The following PFKM variants were observed in gnomAD, a reference collection of about 807,000 sequenced individuals.
The protein encoded by PFKM is ATP-dependent 6-phosphofructokinase, muscle type.
Under a neutral mutation model 95.5 loss-of-function variants are expected in PFKM, and 58 were observed. That is an observed-to-expected ratio of 0.61 (90% CI 0.49 to 0.76). The LOEUF is 0.76. PFKM is among the 30% of genes least tolerant of loss of function. The probability of loss-of-function intolerance (pLI) is 0.00; values close to 1 mark genes in which losing one functional copy is unlikely to be tolerated. For synonymous variants in PFKM, 336 were observed against 357.2 expected, an observed-to-expected ratio of 0.94 and a Z score of 0.67; for missense variants, 678 against 1,005.4, an observed-to-expected ratio of 0.67 and a Z score of 4.40.
At chr12:48,140,983 C>T (rs1375811175) in intron 14 of PFKM, 112 bp downstream of exon 14, 2 of 1,155,376 alleles carry the variant, frequency 1.7e-6, no homozygotes, top group Non-Finnish European at 2.6e-6. Flanking sequence ...TCTCTCCTCT[C>T]TCAGGGTCCA....
intron 4 of PFKM, 197 bp from the exon 5 acceptor site, chr12:48,132,671 A>G: frequency 1.6e-6 from 1 of 617,586 alleles, no homozygotes. Context: ...ATGTGTAGCA[A>G]AATATGGGAA....
At position 48,131,865 on chromosome 12, in the gene PFKM, G is replaced by A. The variant is rs1295592999; in HGVS notation, c.237+472G>A. 1.6e-5 allele frequency: 6 copies of A among 368,392 alleles called. No individual in the cohort carries two copies. In the Admixed American group the frequency reaches 2.2e-4, roughly 13 times the overall value. 22.8% of individuals were successfully genotyped at this position (368,392 alleles called of 1,614,324 possible). On this transcript the variant is annotated intron_variant, in intron 4 of 22. Coordinates refer to ENST00000359794, the MANE Select transcript of PFKM (RefSeq NM_000289.6). ...CAAAAAAATCCTAAGAGTATCCTGA[G>A]GATTTCCACAGTCCTTTATGCTACT...
rs775558930 is a variant in PFKM, at chr12:48,135,049, A to G, written c.843+11A>G. The G allele has an allele frequency of 6.3e-7, 1 of 1,594,240 alleles. No homozygotes were observed. The highest frequency in any genetic ancestry group is 1.1e-5 in the South Asian group (1 of 90,630). On this transcript the variant is annotated intron_variant, in intron 9 of 22. Transcript: ENST00000359794. ...GAAGACATCAAGAATGTTCGTATGA[A>G]TGAAGCCAGAGAGGCCTTAGAATCC... is the stretch of plus-strand genomic sequence containing the variant.
At chr12:48,108,203 T>A (rs1415651047) in intron 3 of PFKM, 1 of 1,596,896 alleles carries the variant, frequency 6.3e-7, no homozygotes, top group Admixed American at 1.7e-5. Flanking sequence ...TGGTGAGGCA[T>A]GTGGGTCAAC....
chr12:48,135,429 C>T lies in PFKM; in HGVS notation c.936+46C>T, dbSNP rs184861460. On this transcript the variant is annotated intron_variant, in intron 10 of 22. Coordinates refer to ENST00000359794, the MANE Select transcript of PFKM (RefSeq NM_000289.6). ...GCCCTCATGCCTTGAAACCCTCAAC[C>T]TTGTAGTCCTGCCCCCTCAGGGCTG... is the stretch of plus-strand genomic sequence containing the variant. 434 of 1,360,186 alleles carry T rather than the reference C, an allele frequency of 3.2e-4. 1 individual carries two copies. In the African/African-American group the frequency reaches 5.4e-3, roughly 17 times the overall value. The allele number at this position is 1,360,186 out of a possible 1,614,324, so 84.3% of individuals were successfully genotyped here.
Position 48,145,469 on chromosome 12 carries a change from T to C in PFKM, c.2199-95T>C. On this transcript the variant is annotated intron_variant, in intron 22 of 22. Transcript: ENST00000359794. This position sits in a 1 kb window ranked among gnomAD's most constrained non-coding sequence, Gnocchi z 4.3. The stretch of plus-strand genomic sequence containing the variant: ...AGATGTGATGCACATGTCCTAAATC[T>C]AACCTCTTCTGTCTAACTTCTTCCT... The C allele has an allele frequency of 2.0e-6, 3 of 1,476,646 alleles. No homozygotes were observed. The Admixed American group carries it at 5.2e-5, about 26-fold the overall frequency. 91.5% of individuals were successfully genotyped at this position (1,476,646 alleles called of 1,614,324 possible).
At chr12:48,143,966 T>G (rs1367446909) in intron 19 of PFKM, 80 bp from the exon 20 acceptor site, 2 of 1,192,172 alleles carry the variant, frequency 1.7e-6, no homozygotes, top group African/African-American at 3.0e-5. Context: ...GAGATAAAAA[T>G]TGAAAGGAAA....
chr12:48,127,025 C>T (rs1415837987), intron 2 of PFKM, among the ~76,000 whole-genome samples: 1 of 152,112 alleles, frequency 6.6e-6, no homozygotes, highest in African/African-American at 2.4e-5. Context: ...GGGGCTTTGC[C>T]TTAGTGATGT....
chr12:48,137,649 T>G (rs1193979185), intron 10 of PFKM, 72 bp from the exon 11 acceptor site: 1 of 1,592,660 alleles, frequency 6.3e-7, no homozygotes, highest in Non-Finnish European at 8.6e-7. Flanking sequence ...GGCTCGAGTA[T>G]CCTGACTCTC....
At chr12:48,118,762 T>G (rs1423331187), upstream of PFKM, among the ~76,000 whole-genome samples, 1 of 152,228 alleles carries the variant, frequency 6.6e-6, no homozygotes, top group African/African-American at 2.4e-5. Flanking sequence ...CTTGACACTT[T>G]CATTCCAAAT....
intron 4 of PFKM, chr12:48,131,884 T>G (rs1028402958): frequency 2.6e-6 from 1 of 387,784 alleles, no homozygotes; most frequent in African/African-American, 2.1e-5. Flanking sequence ...CAGTCCTTTA[T>G]GCTACTTGCT....
At chr12:48,128,553 G>A (rs574357901) in intron 2 of PFKM, among the ~76,000 whole-genome samples, 6 of 152,248 alleles carry the variant, frequency 3.9e-5, no homozygotes, top group East Asian at 3.9e-4. Flanking sequence ...AACATGATAG[G>A]TGTTCAGTTA....
At position 48,119,417 on chromosome 12, in the gene PFKM, C is replaced by T. The variant is rs1947960900; in HGVS notation, c.-9+11C>T. 1 of 985,738 alleles carries T rather than the reference C, an allele frequency of 1.0e-6. No individual in the cohort carries two copies. Among genetic ancestry groups the T allele is most frequent in the African/African-American group, 1.7e-5 (1 of 57,296 alleles). The allele number at this position is 985,738 out of a possible 1,614,324, so 61.1% of individuals were successfully genotyped here. A position where few individuals can be genotyped will look rare whatever the true frequency, so the allele number is the denominator to read the frequency against. On this transcript the variant is annotated intron_variant, in intron 1 of 22. Coordinates refer to ENST00000359794, the MANE Select transcript of PFKM (RefSeq NM_000289.6). Reference sequence around the variant, plus strand: ...AGCTAAGACTAAAAGGCAAGAGGGGCCATTGAGTGAAGAGCAAGGGGGAGA... The same window carrying T: ...AGCTAAGACTAAAAGGCAAGAGGGGTCATTGAGTGAAGAGCAAGGGGGAGA...
chr12:48,139,934 C>T (rs1378231704), intron 13 of PFKM, 22 bp downstream of exon 13: 4 of 1,528,508 alleles, frequency 2.6e-6, no homozygotes. Flanking sequence ...TTGACTTGCC[C>T]TCTCCCCTTT....
Position 48,130,387 on chromosome 12 carries a change from T to C in PFKM, c.110T>C (p.Val37Ala). ...AQGMNAAVRA[V>A]VRVGIFTGAR... ...GGTATGAATGCTGCTGTCAGGGCTG[T>C]GGTTCGAGTTGGTATCTTCACCGGT... Residue 37 changes from valine to alanine, a missense_variant, in exon 3 of 23, where the codon GTG becomes GCG. Physicochemically the swap from Val to Ala is moderately conservative, Grantham distance 64. Coordinates refer to ENST00000359794, the MANE Select transcript of PFKM (RefSeq NM_000289.6). 1.2e-6 allele frequency: 2 copies of C among 1,614,058 alleles called. No individual in the cohort carries two copies. The highest frequency in any genetic ancestry group is 1.7e-5 in the Admixed American group (1 of 60,034).
intron 1 of PFKM, among the ~76,000 whole-genome samples, chr12:48,122,329 C>T (rs1400615090): frequency 6.6e-6 from 1 of 152,222 alleles, no homozygotes; most frequent in Non-Finnish European, 1.5e-5. Flanking sequence ...TCTACTTCTA[C>T]TTTGCTGATT....
intron 2 of PFKM, among the ~76,000 whole-genome samples, chr12:48,123,682 T>C (rs1299697268): frequency 1.3e-5 from 2 of 152,250 alleles, no homozygotes; most frequent in Non-Finnish European, 1.5e-5. Flanking sequence ...TCTGCACCAC[T>C]GTTCCTAGGC....
In PFKM at chr12:48,140,807, G is replaced by C. The variant is rs897592394; in HGVS notation, c.1277G>C (p.Gly426Ala). The change falls in exon 14 of 23, where the codon GGC becomes GCC. Residue 426 changes from glycine to alanine, a missense_variant. Coordinates refer to ENST00000359794, the MANE Select transcript of PFKM (RefSeq NM_000289.6). ...NAAVRSTVRI[G>A]LIQGNRVLVV... is the part of the protein sequence containing the mutation. ...GCTGTTCGCTCCACTGTGAGGATTGGCCTTATCCAGGGCAACCGAGTGCTC... is the reference window on the plus strand; with the variant it reads ...GCTGTTCGCTCCACTGTGAGGATTGCCCTTATCCAGGGCAACCGAGTGCTC... 1 of 1,614,220 alleles carries C rather than the reference G, an allele frequency of 6.2e-7. No individual in the cohort carries two copies. The highest frequency in any genetic ancestry group is 1.3e-5 in the African/African-American group (1 of 75,062).
intron 2 of PFKM, among the ~76,000 whole-genome samples, chr12:48,124,522 A>G (rs1034946997): frequency 6.6e-6 from 1 of 152,174 alleles, no homozygotes; most frequent in African/African-American, 2.4e-5. Flanking sequence ...AGAGAAAGAA[A>G]GGTCAGACTA....
Sources: gnomAD v4.1 joint callset for allele counts (sites outside exome capture counted in the v4.1 genomes callset) on GRCh38, gnomAD v4.1.1 for gene constraint, Gnocchi (gnomAD v3.1) non-coding constraint, MANE v1.5 for transcripts, NCBI Gene and HGNC (gene_info 2026-07-23, HGNC 2026-07-21) for gene names.